PKHD1: variants seen among roughly 807,000 people sequenced by gnomAD.
PKHD1 encodes fibrocystin.
A neutral mutation model predicts 412.0 loss-of-function variants in PKHD1; 291 were observed. The observed-to-expected ratio is 0.71, with a 90% confidence interval of 0.64 to 0.78. The LOEUF (loss-of-function observed/expected upper bound fraction) is 0.78, where lower values mean the gene tolerates loss of function less well. PKHD1 is among the 30% of genes least tolerant of loss of function. PKHD1 has a pLI of 0.00. For synonymous variants in PKHD1, 1,777 were observed against 1,821.5 expected (o/e 0.98, Z 0.62); for missense variants, 4,825 against 4,950.7 (o/e 0.97, Z 0.76).
At chr6:51,630,060 G>A (rs2150292571) in intron 65 of PKHD1, among the ~76,000 whole-genome samples, 1 of 152,188 alleles carries the variant, frequency 6.6e-6, no homozygotes, top group African/African-American at 2.4e-5. Context: ...ACGACTCCGT[G>A]AAACAATATT....
chr6:51,736,237 G>A (rs1278535812), intron 60 of PKHD1, among the ~76,000 whole-genome samples: 1 of 152,172 alleles, frequency 6.6e-6, no homozygotes, highest in Non-Finnish European at 1.5e-5. Flanking sequence ...AAAGGAAAAG[G>A]AAATTGTCCC....
At chr6:51,722,191 T>C (rs904143770) in intron 60 of PKHD1, among the ~76,000 whole-genome samples, 2 of 152,192 alleles carry the variant, frequency 1.3e-5, no homozygotes, top group African/African-American at 4.8e-5. Context: ...GAGGGTCCTT[T>C]TCTCCTTCTG....
At chr6:51,912,239 A>C in intron 38 of PKHD1, 127 bp downstream of exon 38, 1 of 762,194 alleles carries the variant, frequency 1.3e-6, no homozygotes, top group Non-Finnish European at 2.3e-6. Flanking sequence ...TTTCTTGTCA[A>C]AATGTCTACC....
At chr6:51,910,706 T>G (rs1052036611) in intron 39 of PKHD1, among the ~76,000 whole-genome samples, 2 of 152,130 alleles carry the variant, frequency 1.3e-5, no homozygotes, top group African/African-American at 2.4e-5. Context: ...CAAGGAAGTT[T>G]GAATAGAATG....
At chr6:51,811,212 G>A (rs149884486) in intron 52 of PKHD1, among the ~76,000 whole-genome samples, 19 of 152,168 alleles carry the variant, frequency 1.2e-4, no homozygotes, top group East Asian at 3.9e-4. Context: ...GAAGTAACCC[G>A]GATGATCTCA....
chr6:52,052,301 C>T (rs144420901), intron 21 of PKHD1, among the ~76,000 whole-genome samples: 218 of 152,290 alleles, frequency 1.4e-3, no homozygotes, highest in African/African-American at 5.1e-3. Flanking sequence ...TGTGGGCGCA[C>T]ATCACACACA....
chr6:51,692,508 C>T (rs1464439699), intron 60 of PKHD1, among the ~76,000 whole-genome samples: 1 of 152,178 alleles, frequency 6.6e-6, no homozygotes, highest in Non-Finnish European at 1.5e-5. Flanking sequence ...AAAATATTCA[C>T]TCTTCCTTAC....
At chr6:52,045,242 A>T (rs1805604077) in intron 24 of PKHD1, among the ~76,000 whole-genome samples, 154 bp from the exon 25 acceptor site, 1 of 152,236 alleles carries the variant, frequency 6.6e-6, no homozygotes, top group African/African-American at 2.4e-5. Context: ...ATAGAAACGT[A>T]ACAGTAAATA....
intron 23 of PKHD1, among the ~76,000 whole-genome samples, chr6:52,046,954 C>T (rs1311614580): frequency 1.3e-5 from 2 of 152,248 alleles, no homozygotes; most frequent in East Asian, 1.9e-4. Context: ...TACTCAAGAG[C>T]ATTTCTCTTG....
rs528360868 is a variant in PKHD1 at position 51,933,889 on chromosome 6, A to G, written c.6121+221T>C. 1.1e-4 allele frequency among the ~76,000 whole-genome samples: 16 copies of G among 152,350 alleles called. No individual in the cohort carries two copies. The South Asian group carries it at 1.2e-3, about 12-fold the overall frequency. ...GTCACCTAACAGTGGGTGGAAGTAT[A>G]CACAATCCTCTTACAGAAAGAGGAG... On this transcript the variant is annotated intron_variant, in intron 37 of 66. Transcript: ENST00000371117.
intron 66 of PKHD1, among the ~76,000 whole-genome samples, chr6:51,624,762 T>C (rs1767035912): frequency 6.6e-6 from 1 of 152,156 alleles, no homozygotes; most frequent in South Asian, 2.1e-4. Flanking sequence ...ATGGCCAGTA[T>C]CACTAGGGCC....
intron 50 of PKHD1, among the ~76,000 whole-genome samples, chr6:51,842,188 G>A (rs1474666807): frequency 6.6e-6 from 1 of 152,174 alleles, no homozygotes. Flanking sequence ...AGGAGCCTCA[G>A]CCTTACAGGC....
chr6:52,063,319 T>C (rs1808963983), intron 13 of PKHD1, among the ~76,000 whole-genome samples: 1 of 151,954 alleles, frequency 6.6e-6, no homozygotes, highest in African/African-American at 2.4e-5. Context: ...CAGCTAGACG[T>C]GTAGCTTTGA....
At chr6:51,655,270 GCT>G in intron 61 of PKHD1, among the ~76,000 whole-genome samples, 1 of 152,198 alleles carries the variant, frequency 6.6e-6, no homozygotes, top group East Asian at 1.9e-4. Flanking sequence ...GCTCCAAACA[GCT>G]CTCTTCTAGA....
chr6:51,656,189 C>T (rs190918157), intron 61 of PKHD1, among the ~76,000 whole-genome samples: 1 of 152,266 alleles, frequency 6.6e-6, no homozygotes, highest in East Asian at 1.9e-4. Flanking sequence ...ATGCCCTTTG[C>T]AGAGACAAGG....
chr6:51,770,576 T>C (rs887736785), intron 55 of PKHD1, among the ~76,000 whole-genome samples: 15 of 151,930 alleles, frequency 9.9e-5, no homozygotes, highest in Admixed American at 7.9e-4. Flanking sequence ...TACTTTCTTA[T>C]TTCTGTTTGT....
At chr6:51,919,245 G>A (rs557754978) in intron 37 of PKHD1, among the ~76,000 whole-genome samples, 29 of 152,116 alleles carry the variant, frequency 1.9e-4, no homozygotes, top group African/African-American at 7.0e-4. Flanking sequence ...TTTTTTCTAG[G>A]GTTTTTATGG....
At chr6:51,810,518 C>T (rs1764534536) in intron 52 of PKHD1, among the ~76,000 whole-genome samples, 1 of 152,156 alleles carries the variant, frequency 6.6e-6, no homozygotes, top group Admixed American at 6.6e-5. Flanking sequence ...TGATTGGGAA[C>T]CATAATAAGC....
intron 49 of PKHD1, among the ~76,000 whole-genome samples, 197 bp downstream of exon 49, chr6:51,855,696 A>G (rs918081179): frequency 6.6e-6 from 1 of 152,234 alleles, no homozygotes; most frequent in Non-Finnish European, 1.5e-5. Context: ...TTTCAAGTTT[A>G]AAAAGCAACC....
Sources: gnomAD v4.1 joint callset for allele counts (sites outside exome capture counted in the v4.1 genomes callset) on GRCh38, gnomAD v4.1.1 for gene constraint, MANE v1.5 for transcripts, NCBI Gene and HGNC (gene_info 2026-07-23, HGNC 2026-07-21) for gene names.